LITAF: variants seen among roughly 807,000 people sequenced by gnomAD.
LITAF encodes the protein lipopolysaccharide-induced tumor necrosis factor-alpha factor.
LITAF carries 9 observed loss-of-function variants against 14.5 expected under a neutral mutation model. That is an observed-to-expected ratio of 0.62 (90% CI 0.37 to 1.08). The LOEUF (loss-of-function observed/expected upper bound fraction) is 1.08, where lower values mean the gene tolerates loss of function less well. LITAF is among the 50% of genes least tolerant of loss of function. The pLI is 0.01. For synonymous variants in LITAF, 98 were observed against 88.2 expected (o/e 1.11, Z -0.62); for missense variants, 206 against 213.4 (o/e 0.97, Z 0.22).
chr16:11,555,830 A>G (rs1443297895), intron 2 of LITAF, among the ~76,000 whole-genome samples: 2 of 152,158 alleles, frequency 1.3e-5, no homozygotes, highest in Admixed American at 1.3e-4. Flanking sequence ...ACTTCCTCTC[A>G]TGTTAACAAC....
chr16:11,553,341 G>A lies in LITAF; in HGVS notation c.377+192C>T. ...CAGGAGAATCGTTTGAACCTGAGCA[G>A]TGGGGGTTACAGTGAGCCGAGATCG... On this transcript the variant is annotated intron_variant, in intron 3 of 3. Transcript: ENST00000622633. This position sits in a 1 kb window ranked among gnomAD's most constrained non-coding sequence, Gnocchi z 7.7. 1 of 620,284 alleles carries A rather than the reference G, an allele frequency of 1.6e-6. No individual in the cohort carries two copies. Among genetic ancestry groups the A allele is most frequent in the Non-Finnish European group, 2.9e-6 (1 of 349,284 alleles). 38.4% of individuals were successfully genotyped at this position (620,284 alleles called of 1,614,324 possible).
At position 11,548,242 on chromosome 16, in the gene LITAF, C is replaced by A. The variant is rs1354815434; in HGVS notation, c.*1395G>T. 4.4e-6 allele frequency: 2 copies of A among 454,060 alleles called. No homozygotes were observed. The highest frequency in any genetic ancestry group is 1.6e-5 in the South Asian group (1 of 64,468). The allele number at this position is 454,060 out of a possible 1,614,324, so 28.1% of individuals were successfully genotyped here. On this transcript the variant is annotated 3_prime_UTR_variant, in exon 4 of 4. Transcript: ENST00000622633. The stretch of plus-strand genomic sequence containing the variant: ...CTGAAGTATTATCAAAACGAGGACC[C>A]TTGAAGGTCGAGCCCAGCTTTGTCT...
chr16:11,636,616 G>C (rs763183718), upstream of LITAF, among the ~76,000 whole-genome samples: 4 of 152,110 alleles, frequency 2.6e-5, no homozygotes, highest in Non-Finnish European at 2.9e-5. Flanking sequence ...GTTCCTTTAC[G>C]GTACACACGA....
intron 1 of LITAF, among the ~76,000 whole-genome samples, chr16:11,596,059 G>T (rs893621117): frequency 1.3e-5 from 2 of 152,182 alleles, no homozygotes; most frequent in African/African-American, 4.8e-5. Flanking sequence ...CCGTCTGGGG[G>T]TGATGGCACC....
chr16:11,634,730 T>C lies in LITAF; in HGVS notation c.-20-1093A>G, dbSNP rs1305835559. 6.6e-6 allele frequency among the ~76,000 whole-genome samples: 1 copy of C among 152,180 alleles called. No homozygotes were observed. Among genetic ancestry groups the C allele is most frequent in the Non-Finnish European group, 1.5e-5 (1 of 68,044 alleles). On this transcript the variant is annotated intron_variant, in intron 2 of 3. Transcript: ENST00000574848. The surrounding 1 kb of genome is among the most constrained non-coding windows in gnomAD (Gnocchi z 4.1). ...CCTCTGAATTTTCAGGGAGACTGAC[T>C]TGAGTCATAAAACTCTGGTCTCTAC...
intron 3 of LITAF, among the ~76,000 whole-genome samples, chr16:11,621,090 G>A (rs1025223277): frequency 7.3e-5 from 11 of 150,136 alleles, no homozygotes; most frequent in African/African-American, 2.7e-4. Context: ...ATGGAGTTTC[G>A]CTCTTGTTGC....
chr16:11,549,629 G>A lies in LITAF; in HGVS notation c.*8C>T. ...CGGCACCCGGCTCCCTCCACGTCTG[G>A]CTGAGTCCTACAAACGCTTGTAGGT... On this transcript the variant is annotated 3_prime_UTR_variant, in exon 4 of 4. Transcript: ENST00000622633. The surrounding 1 kb of genome is among the most constrained non-coding windows in gnomAD (Gnocchi z 4.6). The A allele has an allele frequency of 6.2e-7, 1 of 1,605,790 alleles. No homozygotes were observed.
At chr16:11,608,320 G>C (rs991683520) in intron 3 of LITAF, among the ~76,000 whole-genome samples, 1 of 152,236 alleles carries the variant, frequency 6.6e-6, no homozygotes, top group East Asian at 1.9e-4. Context: ...AAGGGACGTA[G>C]CTGGATCATG....
intron 1 of LITAF, among the ~76,000 whole-genome samples, chr16:11,594,652 G>T (rs1299865146): frequency 6.6e-6 from 1 of 152,108 alleles, no homozygotes; most frequent in African/African-American, 2.4e-5. Context: ...GAGGCAGGTG[G>T]ATCGCTTGAG....
At chr16:11,615,957 G>A (rs901748755) in intron 3 of LITAF, among the ~76,000 whole-genome samples, 4 of 152,152 alleles carry the variant, frequency 2.6e-5, no homozygotes, top group African/African-American at 9.7e-5. Flanking sequence ...ACTAGGAGTT[G>A]GGTCCAATCA....
At chr16:11,577,445 G>A (rs1177684841) in intron 1 of LITAF, among the ~76,000 whole-genome samples, 2 of 151,034 alleles carry the variant, frequency 1.3e-5, no homozygotes, top group African/African-American at 4.9e-5. Flanking sequence ...AGCCTCCCGA[G>A]TAGCCGAGAT....
chr16:11,637,986 ATATATATCTATATATATC>A (rs1567270950), upstream of LITAF, among the ~76,000 whole-genome samples: 385 of 53,852 alleles, frequency 7.1e-3, 36 homozygotes, highest in Middle Eastern at 0.016. Context: ...ATATATATCT[ATATATATCTATATATATC>A]TATATATATC....
chr16:11,627,917 C>G (rs987837690), intron 3 of LITAF, among the ~76,000 whole-genome samples: 5 of 149,774 alleles, frequency 3.3e-5, no homozygotes, highest in Non-Finnish European at 7.4e-5. Context: ...CTCGGGAGGC[C>G]GAGGCAGGAA....
At chr16:11,556,345 A>C in intron 2 of LITAF, 166 bp downstream of exon 2, 1 of 624,418 alleles carries the variant, frequency 1.6e-6, no homozygotes, top group Non-Finnish European at 2.9e-6. Context: ...AGCCTCACCA[A>C]CATGGAATCT....
At chr16:11,551,144 G>A (rs1567234055) in intron 3 of LITAF, among the ~76,000 whole-genome samples, 1 of 152,180 alleles carries the variant, frequency 6.6e-6, no homozygotes, top group Non-Finnish European at 1.5e-5. Flanking sequence ...ACAGGAAGAC[G>A]CTGGTTTACA....
upstream of LITAF, among the ~76,000 whole-genome samples, chr16:11,587,931 A>T (rs150827992): frequency 6.5e-3 from 983 of 152,208 alleles, 12 homozygotes; most frequent in African/African-American, 0.022. Context: ...GCTGGCAAAG[A>T]CCTGGATCTT....
chr16:11,556,900 C>T (rs2064279602), intron 1 of LITAF, among the ~76,000 whole-genome samples, 165 bp from the exon 2 acceptor site: 1 of 152,076 alleles, frequency 6.6e-6, no homozygotes, highest in Admixed American at 6.6e-5. Flanking sequence ...CCTTCAAGAC[C>T]CCAGAATTAA....
intron 1 of LITAF, among the ~76,000 whole-genome samples, chr16:11,579,100 A>C (rs113777482): frequency 8.6e-4 from 131 of 152,060 alleles, no homozygotes; most frequent in Middle Eastern, 6.8e-3. Context: ...GAGGCAGGAG[A>C]GTTGCTTGAA....
rs530891173 is a variant in LITAF at position 11,586,448 on chromosome 16, T to C, written c.-6+438A>G. 8 of 152,286 alleles carry C rather than the reference T, an allele frequency of 5.3e-5. No homozygotes were observed. Among genetic ancestry groups the C allele is most frequent in the Non-Finnish European group, 1.0e-4 (7 of 68,020 alleles). The allele number at this position is 152,286 out of a possible 1,614,324, so 9.4% of individuals were successfully genotyped here. On this transcript the variant is annotated intron_variant, in intron 1 of 3. Coordinates refer to ENST00000622633, the MANE Select transcript of LITAF (RefSeq NM_001136472.2). This position sits in a 1 kb window ranked among gnomAD's most constrained non-coding sequence, Gnocchi z 6.5. ...GAATTCGTTGGGGTTTTTTTGTTTG[T>C]TTTGGTTTTGTTTCTGAACCCCCGG... is the stretch of plus-strand genomic sequence containing the variant.
Sources: allele counts gnomAD v4.1 joint callset (sites outside exome capture counted in the v4.1 genomes callset), GRCh38; gene constraint gnomAD v4.1.1; non-coding constraint Gnocchi (gnomAD v3.1); transcripts MANE v1.5; gene names NCBI Gene and HGNC (gene_info 2026-07-23, HGNC 2026-07-21).